Variants in DRGX observed in about 807,000 individuals in gnomAD.
DRGX encodes dorsal root ganglia homeobox.
Under a neutral mutation model 28.6 loss-of-function variants are expected in DRGX, and 21 were observed. That is an observed-to-expected ratio of 0.73 (90% confidence interval 0.52 to 1.06). The LOEUF (loss-of-function observed/expected upper bound fraction) is 1.06. Ranked by LOEUF, DRGX falls within the 50% of genes least tolerant of loss-of-function variation. The pLI is 0.00. For synonymous variants in DRGX, 136 were observed against 139.1 expected (o/e 0.98, Z 0.16); for missense variants, 354 against 343.9 (o/e 1.03, Z -0.23).
intron 6 of DRGX, among the ~76,000 whole-genome samples, chr10:49,384,988 C>T (rs920717666): frequency 6.6e-6 from 1 of 152,184 alleles, no homozygotes; most frequent in African/African-American, 2.4e-5. Flanking sequence ...GCTGGGTAGA[C>T]ATAGGATTGA....
chr10:49,379,623 G>C (rs950670806), intron 6 of DRGX, among the ~76,000 whole-genome samples: 1 of 152,190 alleles, frequency 6.6e-6, no homozygotes, highest in African/African-American at 2.4e-5. Flanking sequence ...CAAGGGCAAA[G>C]ACCAAAGCAA....
intron 4 of DRGX, among the ~76,000 whole-genome samples, chr10:49,388,897 C>G (rs1849869339): frequency 6.6e-6 from 1 of 152,150 alleles, no homozygotes; most frequent in Non-Finnish European, 1.5e-5. Flanking sequence ...TGTCTGTCTG[C>G]ATAATAGCCA....
At chr10:49,380,661 C>G (rs1849765100) in intron 6 of DRGX, among the ~76,000 whole-genome samples, 1 of 152,114 alleles carries the variant, frequency 6.6e-6, no homozygotes, top group African/African-American at 2.4e-5. Context: ...CCAGGGAGCC[C>G]CAACCAGGAA....
At chr10:49,394,117 T>C (rs1849940332) in intron 2 of DRGX, among the ~76,000 whole-genome samples, 1 of 152,048 alleles carries the variant, frequency 6.6e-6, no homozygotes, top group African/African-American at 2.4e-5. Context: ...CACCCTTCCA[T>C]AAAACCCACC....
intron 4 of DRGX, among the ~76,000 whole-genome samples, chr10:49,389,215 T>C (rs1849872329): frequency 6.6e-6 from 1 of 152,146 alleles, no homozygotes; most frequent in African/African-American, 2.4e-5. Flanking sequence ...ATAGGGGAAA[T>C]AATTTGTTTA....
chr10:49,382,595 C>G (rs540092715), intron 6 of DRGX, among the ~76,000 whole-genome samples: 222 of 152,304 alleles, frequency 1.5e-3, no homozygotes, highest in African/African-American at 5.1e-3. Context: ...TTTCTACAGC[C>G]TGGGGAAACC....
intron 6 of DRGX, among the ~76,000 whole-genome samples, chr10:49,378,869 A>G (rs1025043346): frequency 9.9e-5 from 15 of 152,276 alleles, no homozygotes; most frequent in South Asian, 2.1e-4. Context: ...GTGTGTGTGT[A>G]TATGCATGTG....
chr10:49,379,085 C>A (rs907415941), intron 6 of DRGX, among the ~76,000 whole-genome samples: 11 of 152,158 alleles, frequency 7.2e-5, no homozygotes, highest in African/African-American at 2.2e-4. Context: ...GGATGCTCAA[C>A]CACTAAGTAA....
chr10:49,379,068 A>G (rs894794713), intron 6 of DRGX, among the ~76,000 whole-genome samples: 1 of 152,230 alleles, frequency 6.6e-6, no homozygotes, highest in Admixed American at 6.5e-5. Flanking sequence ...TAGGATTTTC[A>G]GATTTGGGAT....
At chr10:49,369,944 G>A (rs185721812) in intron 6 of DRGX, among the ~76,000 whole-genome samples, 43 of 152,028 alleles carry the variant, frequency 2.8e-4, no homozygotes, top group Admixed American at 1.8e-3. Context: ...CCAGTCCCAC[G>A]TCCATGGGGC....
At chr10:49,373,130 A>G (rs1849678705) in intron 6 of DRGX, among the ~76,000 whole-genome samples, 1 of 152,234 alleles carries the variant, frequency 6.6e-6, no homozygotes, top group Non-Finnish European at 1.5e-5. Context: ...GAATGGGCTA[A>G]AAATTAAATT....
At chr10:49,395,309 A>T (rs1849954757) in intron 2 of DRGX, 98 bp downstream of exon 2, 2 of 1,450,074 alleles carry the variant, frequency 1.4e-6, no homozygotes, top group South Asian at 2.5e-5. Flanking sequence ...CGCCCCCCGC[A>T]GGGCGGGGAC....
chr10:49,381,909 T>C (rs1385615718), intron 6 of DRGX, among the ~76,000 whole-genome samples: 1 of 152,180 alleles, frequency 6.6e-6, no homozygotes, highest in Non-Finnish European at 1.5e-5. Context: ...AGCACTGATT[T>C]GGGTCTGGGA....
chr10:49,395,131 T>C (rs1207952537), intron 2 of DRGX, among the ~76,000 whole-genome samples: 1 of 152,216 alleles, frequency 6.6e-6, no homozygotes, highest in African/African-American at 2.4e-5. Flanking sequence ...CCAGCATCTG[T>C]GCTGGGAGGA....
intron 6 of DRGX, among the ~76,000 whole-genome samples, chr10:49,367,187 C>T (rs1226532094): frequency 1.3e-5 from 2 of 152,012 alleles, no homozygotes; most frequent in Non-Finnish European, 2.9e-5. Context: ...GAGACCCTAT[C>T]GCTACAAAAT....
At chr10:49,375,873 A>C (rs912486592) in intron 6 of DRGX, among the ~76,000 whole-genome samples, 4 of 152,142 alleles carry the variant, frequency 2.6e-5, no homozygotes, top group Non-Finnish European at 4.4e-5. Flanking sequence ...AGAGCTCGGC[A>C]TGGGCAGGCT....
At chr10:49,389,069 G>C (rs1001237035) in intron 4 of DRGX, among the ~76,000 whole-genome samples, 7 of 151,946 alleles carry the variant, frequency 4.6e-5, no homozygotes, top group Non-Finnish European at 1.0e-4. Flanking sequence ...TGGCAAGCTG[G>C]CATTAAAAAA....
chr10:49,366,215 G>C lies in DRGX; in HGVS notation c.693C>G (p.Ser231Arg). 6.2e-7 allele frequency: 1 copy of C among 1,613,834 alleles called. No individual in the cohort carries two copies. Among genetic ancestry groups the C allele is most frequent in the Non-Finnish European group, 8.5e-7 (1 of 1,179,850 alleles). Reference sequence around the variant, plus strand: ...GCTTGGCGACAGGGCCGGGGCTGCTGCTGGTGGAAGGCAGGAGGTTGGCTG... The same window carrying C: ...GCTTGGCGACAGGGCCGGGGCTGCTCCTGGTGGAAGGCAGGAGGTTGGCTG... ...LQSANLLPST[S>R]SSPGPVAKPA... The change falls in exon 7 of 7, where the codon AGC becomes AGG. Residue 231 changes from serine to arginine, a missense_variant. Transcript: ENST00000374139.
At chr10:49,395,217 G>A (rs994721819) in intron 2 of DRGX, among the ~76,000 whole-genome samples, 190 bp downstream of exon 2, 2 of 152,152 alleles carry the variant, frequency 1.3e-5, no homozygotes, top group Non-Finnish European at 2.9e-5. Context: ...GGCAGGTGGC[G>A]ACGGGGCGGG....
Sources: allele counts gnomAD v4.1 joint callset (sites outside exome capture counted in the v4.1 genomes callset), GRCh38; gene constraint gnomAD v4.1.1; transcripts MANE v1.5; gene names NCBI Gene and HGNC (gene_info 2026-07-23, HGNC 2026-07-21).